Variants in PHLPP2 observed in about 807,000 individuals in gnomAD.
The protein encoded by PHLPP2 is PH domain and leucine rich repeat protein phosphatase 2, also known as PH domain leucine-rich repeat-containing protein phosphatase 2.
In PHLPP2, 66 loss-of-function variants were observed where a neutral mutation model predicts 124.9. That is an observed-to-expected ratio of 0.53 (90% CI 0.43 to 0.65). The LOEUF is 0.65. Among genes scored for constraint, PHLPP2 ranks in the 30% least tolerant of loss-of-function variants. The pLI is 0.00. For missense variants in PHLPP2, 1,685 were observed against 1,600.4 expected, an observed-to-expected ratio of 1.05 and a Z score of -0.90; for synonymous variants, 681 against 624.7, an observed-to-expected ratio of 1.09 and a Z score of -1.34.
intron 3 of PHLPP2, among the ~76,000 whole-genome samples, chr16:71,695,638 G>T (rs976183345): frequency 6.6e-6 from 1 of 151,832 alleles, no homozygotes; most frequent in Non-Finnish European, 1.5e-5. Context: ...TGAACCTGGG[G>T]GGTGGAGGTT....
At chr16:71,699,823 G>A (rs981170351) in intron 3 of PHLPP2, among the ~76,000 whole-genome samples, 4 of 152,186 alleles carry the variant, frequency 2.6e-5, no homozygotes, top group Non-Finnish European at 5.9e-5. Flanking sequence ...CCACCTGGAC[G>A]CTGCTGCAAG....
intron 3 of PHLPP2, among the ~76,000 whole-genome samples, chr16:71,693,076 G>A (rs1190506619): frequency 2.0e-5 from 3 of 152,066 alleles, no homozygotes; most frequent in Admixed American, 6.6e-5. Context: ...GGATCACGAG[G>A]TCAGAAGTTC....
chr16:71,707,898 T>A (rs1426150021), intron 2 of PHLPP2, among the ~76,000 whole-genome samples: 1 of 152,350 alleles, frequency 6.6e-6, no homozygotes, highest in East Asian at 1.9e-4. Flanking sequence ...TTGTGAATTC[T>A]GCACTAACTC....
rs765738386 is a variant in PHLPP2 at position 71,676,593 on chromosome 16, G to T, written c.1325C>A (p.Thr442Asn). The change falls in exon 9 of 19, where the codon ACC becomes AAC. Residue 442 changes from threonine (T) to asparagine (N), a missense_variant. Physicochemically the swap from Thr to Asn is moderately conservative, Grantham distance 65. Transcript: ENST00000568954. Reference sequence around the variant, plus strand: ...TCGGTTGTCCCGCAGATCCACGTGGGTGATGTGTTTATTTCCCTCCAGATT... The same window carrying T: ...TCGGTTGTCCCGCAGATCCACGTGGTTGATGTGTTTATTTCCCTCCAGATT... ...IENLEGNKHITHVDLRDNRLT... is the reference protein window; with the variant it reads ...IENLEGNKHINHVDLRDNRLT... The T allele has an allele frequency of 6.2e-7, 1 of 1,614,000 alleles. No homozygotes were observed. The highest frequency in any genetic ancestry group is 1.1e-5 in the South Asian group (1 of 91,080).
chr16:71,677,860 G>A (rs2044961558), intron 8 of PHLPP2: 1 of 152,062 alleles, frequency 6.6e-6, no homozygotes, highest in African/African-American at 2.4e-5. Context: ...GGTCATTTAT[G>A]GAAATCTACA....
intron 16 of PHLPP2, among the ~76,000 whole-genome samples, chr16:71,656,133 A>G (rs758346897): frequency 2.0e-5 from 3 of 152,154 alleles, no homozygotes; most frequent in Non-Finnish European, 4.4e-5. Context: ...ACCCCGGGGT[A>G]TACAGGTAAG....
At chr16:71,656,539 TC>T in intron 16 of PHLPP2, 31 bp downstream of exon 16, 1 of 1,341,240 alleles carries the variant, frequency 7.5e-7, no homozygotes, top group Non-Finnish European at 1.1e-6. Context: ...CTGCCTTTTT[TC>T]TTTCTCAGTC....
chr16:71,664,125 C>G (rs1252047904), intron 12 of PHLPP2, 26 bp from the exon 13 acceptor site: 2 of 1,514,184 alleles, frequency 1.3e-6, no homozygotes, highest in South Asian at 1.1e-5. Context: ...CAGATCATCA[C>G]CTCCTTTAAG....
chr16:71,694,964 T>C (rs2045154273), intron 3 of PHLPP2, among the ~76,000 whole-genome samples: 1 of 152,010 alleles, frequency 6.6e-6, no homozygotes, highest in African/African-American at 2.4e-5. Context: ...TTTTGTATTT[T>C]TTAGTAGAGA....
chr16:71,707,274 G>A (rs1322911104), intron 2 of PHLPP2, among the ~76,000 whole-genome samples: 3 of 151,936 alleles, frequency 2.0e-5, no homozygotes, highest in South Asian at 2.1e-4. Flanking sequence ...CATTTTTTAC[G>A]CACCACTGCT....
intron 1 of PHLPP2, among the ~76,000 whole-genome samples, chr16:71,717,676 T>C (rs950881572): frequency 6.6e-6 from 1 of 152,240 alleles, no homozygotes; most frequent in African/African-American, 2.4e-5. Context: ...CCTCATTTTT[T>C]AATCTTTGGG....
intron 1 of PHLPP2, among the ~76,000 whole-genome samples, chr16:71,721,356 C>G (rs1039274843): frequency 6.6e-6 from 1 of 152,060 alleles, no homozygotes; most frequent in Non-Finnish European, 1.5e-5. Context: ...GTGGCTCATG[C>G]CTGTAATTCC....
chr16:71,679,586 G>A, intron 6 of PHLPP2, 51 bp from the exon 7 acceptor site: 1 of 1,499,610 alleles, frequency 6.7e-7, no homozygotes, highest in Admixed American at 1.7e-5. Flanking sequence ...ATCTATTACT[G>A]TATCTTTACA....
chr16:71,663,972 G>T lies in PHLPP2; in HGVS notation c.1912C>A (p.Pro638Thr). The T allele has an allele frequency of 6.2e-7, 1 of 1,613,894 alleles. No homozygotes were observed. The highest frequency in any genetic ancestry group is 2.2e-5 in the East Asian group (1 of 44,890). The stretch of plus-strand genomic sequence containing the variant: ...AGGTGCAGGTGCCCTACCAGGACAG[G>T]TATGCACTGATCCGTCAGGAGATTG... ...TNNLLTDQCI[P>T]VLVGHLHLRI... Residue 638 changes from proline to threonine, a missense_variant, in exon 13 of 19, where the codon CCT (proline) becomes ACT (threonine). By Grantham distance (38) the Pro-to-Thr change is conservative (BLOSUM62 -1). Transcript: ENST00000568954.
chr16:71,716,867 G>C (rs1227027041), intron 1 of PHLPP2, among the ~76,000 whole-genome samples: 5 of 152,184 alleles, frequency 3.3e-5, no homozygotes, highest in Non-Finnish European at 7.3e-5. Context: ...GAATTATCTA[G>C]ACAGAATTAA....
intron 1 of PHLPP2, chr16:71,715,096 A>G: frequency 2.8e-6 from 1 of 361,092 alleles, no homozygotes; most frequent in Non-Finnish European, 5.1e-6. Flanking sequence ...TCAGGCCTGT[A>G]ATCCCAGCAC....
intron 13 of PHLPP2, among the ~76,000 whole-genome samples, chr16:71,661,006 TCA>T (rs2044784786): frequency 6.6e-6 from 1 of 152,082 alleles, no homozygotes; most frequent in African/African-American, 2.4e-5. Context: ...TGAATTCCAT[TCA>T]GTTTTATTAT....
chr16:71,715,336 C>G (rs528103625), intron 1 of PHLPP2: 1 of 153,124 alleles, frequency 6.5e-6, no homozygotes, highest in Non-Finnish European at 1.4e-5. Flanking sequence ...GCCACTGCAA[C>G]CCTATCTGGG....
At chr16:71,659,640 T>C (rs1249434752) in intron 13 of PHLPP2, among the ~76,000 whole-genome samples, 2 of 152,214 alleles carry the variant, frequency 1.3e-5, no homozygotes, top group Admixed American at 6.5e-5. Flanking sequence ...CAAGTTCTTA[T>C]TATACACACA....
Sources: gnomAD v4.1 joint callset for allele counts (sites outside exome capture counted in the v4.1 genomes callset) on GRCh38, gnomAD v4.1.1 for gene constraint, MANE v1.5 for transcripts, NCBI Gene and HGNC (gene_info 2026-07-23, HGNC 2026-07-21) for gene names.